The following NKAIN2 variants were observed in gnomAD, a reference collection of about 807,000 sequenced individuals.
NKAIN2 encodes sodium/potassium-transporting ATPase subunit beta-1-interacting protein 2.
A neutral mutation model predicts 32.6 loss-of-function variants in NKAIN2; 14 were observed. The observed-to-expected ratio is 0.43, with a 90% CI of 0.28 to 0.67. The LOEUF is 0.67. NKAIN2 is among the 30% of genes least tolerant of loss of function. The pLI is 0.17. For missense variants in NKAIN2, 198 were observed against 258.3 expected (o/e 0.77, Z 1.60); for synonymous variants, 80 against 87.2 (o/e 0.92, Z 0.46).
intron 2 of NKAIN2, among the ~76,000 whole-genome samples, chr6:124,306,557 A>G (rs142066435): frequency 4.0e-4 from 61 of 152,316 alleles, no homozygotes; most frequent in African/African-American, 1.5e-3. Flanking sequence ...CAGTACTTCT[A>G]TTGATCAATA....
At chr6:123,868,125 C>T (rs1358576667) in intron 1 of NKAIN2, among the ~76,000 whole-genome samples, 4 of 152,100 alleles carry the variant, frequency 2.6e-5, no homozygotes, top group Non-Finnish European at 4.4e-5. Flanking sequence ...ACCTTGGCCT[C>T]CCAAAGTGCT....
chr6:123,923,864 C>T (rs1002806515), intron 1 of NKAIN2, among the ~76,000 whole-genome samples: 9 of 150,116 alleles, frequency 6.0e-5, no homozygotes, highest in South Asian at 2.1e-4. Flanking sequence ...GTGGGTGCAG[C>T]ACACCAGCAT....
chr6:124,507,017 G>C (rs1464917027), intron 3 of NKAIN2, among the ~76,000 whole-genome samples: 1 of 152,194 alleles, frequency 6.6e-6, no homozygotes, highest in Admixed American at 6.5e-5. Context: ...AGTCTAAGAA[G>C]CTCTAGTTTT....
intron 3 of NKAIN2, among the ~76,000 whole-genome samples, chr6:124,640,830 C>T (rs1449053628): frequency 2.6e-5 from 4 of 152,116 alleles, no homozygotes; most frequent in African/African-American, 9.7e-5. Context: ...TTCCCGTTTC[C>T]TATTTTTTCT....
intron 3 of NKAIN2, among the ~76,000 whole-genome samples, chr6:124,409,534 G>A (rs1366787584): frequency 6.6e-6 from 1 of 152,168 alleles, no homozygotes; most frequent in East Asian, 1.9e-4. Context: ...TTGCATCCCA[G>A]GGATGAAGCC....
At chr6:123,893,563 T>A (rs1390008991) in intron 1 of NKAIN2, among the ~76,000 whole-genome samples, 1 of 152,216 alleles carries the variant, frequency 6.6e-6, no homozygotes, top group Non-Finnish European at 1.5e-5. Context: ...GTTGATCCAC[T>A]CATTTTAAAG....
intron 1 of NKAIN2, among the ~76,000 whole-genome samples, chr6:124,148,640 G>T (rs1787548908): frequency 6.6e-6 from 1 of 152,044 alleles, no homozygotes; most frequent in Non-Finnish European, 1.5e-5. Flanking sequence ...GTTATAGCAT[G>T]CCTCATTACT....
intron 1 of NKAIN2, among the ~76,000 whole-genome samples, chr6:123,913,139 A>C (rs1261390405): frequency 6.6e-6 from 1 of 152,216 alleles, no homozygotes; most frequent in South Asian, 2.1e-4. Context: ...GGAACCTCCC[A>C]TGTTCACTGA....
Position 124,404,877 on chromosome 6 carries a change from A to G in NKAIN2, c.273+49530A>G, listed in dbSNP as rs116310496. On this transcript the variant is annotated intron_variant, in intron 3 of 6. Transcript: ENST00000368417. ...TTCATTCTCAAATGAAATATACTTA[A>G]TACAGAAATTATTAATATCATGTAG... 7.1e-3 allele frequency among the ~76,000 whole-genome samples: 1,079 copies of G among 152,262 alleles called. 8 individuals are homozygous for G. The highest frequency in any genetic ancestry group is 0.025 in the African/African-American group (1,043 of 41,558).
intron 1 of NKAIN2, among the ~76,000 whole-genome samples, chr6:123,944,787 C>T (rs1437731681): frequency 2.0e-5 from 3 of 151,918 alleles, no homozygotes; most frequent in African/African-American, 7.3e-5. Flanking sequence ...AACTTCCAAG[C>T]ATTATTTCCC....
At chr6:124,686,773 TA>T (rs748316029) in intron 4 of NKAIN2, among the ~76,000 whole-genome samples, 1 of 152,126 alleles carries the variant, frequency 6.6e-6, no homozygotes, top group Non-Finnish European at 1.5e-5. Context: ...ATACTGAGTG[TA>T]AACTTGACTG....
At chr6:124,347,670 T>C (rs1798499737) in intron 2 of NKAIN2, among the ~76,000 whole-genome samples, 1 of 152,230 alleles carries the variant, frequency 6.6e-6, no homozygotes, top group African/African-American at 2.4e-5. Context: ...TCTCGAGCCT[T>C]GGCTTTCAGC....
chr6:124,076,819 G>A (rs1033687056), intron 1 of NKAIN2, among the ~76,000 whole-genome samples: 2 of 152,106 alleles, frequency 1.3e-5, no homozygotes, highest in Admixed American at 6.6e-5. Context: ...CTGGAGTCAC[G>A]CCCAGGCTCT....
chr6:124,387,493 A>G (rs949215779), intron 3 of NKAIN2, among the ~76,000 whole-genome samples: 10 of 152,114 alleles, frequency 6.6e-5, no homozygotes, highest in Non-Finnish European at 1.2e-4. Flanking sequence ...TCATCCTCTT[A>G]TCTATCATTT....
At chr6:124,400,541 G>T (rs1773581447) in intron 3 of NKAIN2, among the ~76,000 whole-genome samples, 1 of 152,124 alleles carries the variant, frequency 6.6e-6, no homozygotes, top group African/African-American at 2.4e-5. Context: ...GGCCTAGGCA[G>T]CAGTACTCAA....
At chr6:123,861,532 TTA>T (rs1450013486) in intron 1 of NKAIN2, among the ~76,000 whole-genome samples, 56 of 152,286 alleles carry the variant, frequency 3.7e-4, no homozygotes, top group African/African-American at 1.0e-3. Context: ...TGTCGTTTCT[TTA>T]TAGAAACAGT....
At chr6:124,426,154 C>T (rs115200371) in intron 3 of NKAIN2, among the ~76,000 whole-genome samples, 2,287 of 152,234 alleles carry the variant, frequency 0.015, 57 homozygotes, top group African/African-American at 0.052. Context: ...TCTCACTTGC[C>T]ATTCTTATAA....
At chr6:124,009,879 G>A (rs9491039) in intron 1 of NKAIN2, among the ~76,000 whole-genome samples, 67,707 of 151,796 alleles carry the variant, frequency 0.45, 15,582 homozygotes, top group South Asian at 0.5. Context: ...TTTTATATGC[G>A]TATGTATATG....
chr6:124,344,741 A>G (rs990565969), intron 2 of NKAIN2, among the ~76,000 whole-genome samples: 14 of 152,262 alleles, frequency 9.2e-5, no homozygotes, highest in African/African-American at 3.1e-4. Context: ...GGCTGAGACA[A>G]TGGGGTTTTC....
Sources: gnomAD v4.1 joint callset for allele counts (sites outside exome capture counted in the v4.1 genomes callset) on GRCh38, gnomAD v4.1.1 for gene constraint, MANE v1.5 for transcripts, NCBI Gene and HGNC (gene_info 2026-07-23, HGNC 2026-07-21) for gene names.